Variants in PTPRD observed in about 807,000 individuals in gnomAD.
PTPRD encodes the protein protein tyrosine phosphatase receptor type D.
In PTPRD, 34 loss-of-function variants were observed where a neutral mutation model predicts 214.5. That is an observed-to-expected ratio of 0.16 (90% CI 0.12 to 0.21). PTPRD has a LOEUF of 0.21. Among genes scored for constraint, PTPRD ranks in the 10% least tolerant of loss-of-function variants. The pLI is 1.00. For synonymous variants in PTPRD, 1,128 were observed against 845.7 expected (o/e 1.33, Z -5.79); for missense variants, 2,545 against 2,398.7 (o/e 1.06, Z -1.27).
chr9:9,293,763 T>C (rs1468741259), intron 9 of PTPRD, among the ~76,000 whole-genome samples: 1 of 151,692 alleles, frequency 6.6e-6, no homozygotes, highest in Non-Finnish European at 1.5e-5. Context: ...ACAAATTTAA[T>C]GCCTTTTCCA....
intron 5 of PTPRD, among the ~76,000 whole-genome samples, chr9:9,771,721 C>A (rs1479562881): frequency 6.6e-6 from 1 of 152,168 alleles, no homozygotes; most frequent in Non-Finnish European, 1.5e-5. Context: ...GTTTCAATGA[C>A]ATTCTGTATT....
At chr9:9,276,115 C>T (rs1277868707) in intron 9 of PTPRD, among the ~76,000 whole-genome samples, 3 of 151,210 alleles carry the variant, frequency 2.0e-5, no homozygotes, top group Non-Finnish European at 4.4e-5. Context: ...CATTTCAAGC[C>T]TTAAGTAAAG....
intron 7 of PTPRD, among the ~76,000 whole-genome samples, chr9:9,626,417 G>A (rs992000526): frequency 3.3e-5 from 5 of 152,176 alleles, no homozygotes; most frequent in Non-Finnish European, 7.3e-5. Context: ...TTGTAGTAAA[G>A]AAAGGCCATT....
At chr9:8,741,750 C>T (rs1455139594) in intron 11 of PTPRD, among the ~76,000 whole-genome samples, 1 of 151,668 alleles carries the variant, frequency 6.6e-6, no homozygotes, top group African/African-American at 2.4e-5. Flanking sequence ...ATCACCATGC[C>T]AAGCTAATTG....
intron 8 of PTPRD, among the ~76,000 whole-genome samples, chr9:9,558,757 T>C (rs2082151482): frequency 6.6e-6 from 1 of 152,194 alleles, no homozygotes; most frequent in Non-Finnish European, 1.5e-5. Context: ...TAGGCTGGAC[T>C]GAGACAAAAG....
intron 4 of PTPRD, among the ~76,000 whole-genome samples, chr9:9,979,802 G>A (rs570918483): frequency 5.6e-4 from 86 of 152,230 alleles, no homozygotes; most frequent in African/African-American, 2.0e-3. Context: ...AGAATGATGA[G>A]TGAGGGAGAA....
intron 2 of PTPRD, among the ~76,000 whole-genome samples, chr9:10,460,181 G>A (rs928366440): frequency 7.9e-5 from 12 of 151,920 alleles, no homozygotes; most frequent in Admixed American, 4.6e-4. Context: ...CCAAGGAGGT[G>A]AAAGACCCGT....
intron 10 of PTPRD, among the ~76,000 whole-genome samples, chr9:9,151,403 T>A (rs2099876637): frequency 6.6e-6 from 1 of 152,116 alleles, no homozygotes; most frequent in Non-Finnish European, 1.5e-5. Flanking sequence ...AGATCCCTAT[T>A]TCTAAGTGGG....
intron 7 of PTPRD, among the ~76,000 whole-genome samples, chr9:9,681,240 T>C (rs1472759244): frequency 6.6e-6 from 1 of 151,776 alleles, no homozygotes; most frequent in Non-Finnish European, 1.5e-5. Context: ...CTTCCTGAAG[T>C]GTAAGTGTAG....
chr9:8,496,571 T>C (rs372346178), intron 26 of PTPRD, among the ~76,000 whole-genome samples: 5 of 152,212 alleles, frequency 3.3e-5, no homozygotes, highest in African/African-American at 1.2e-4. Context: ...AGCGACATAC[T>C]TTCTACTTCT....
intron 2 of PTPRD, among the ~76,000 whole-genome samples, chr9:10,375,514 C>T (rs780818570): frequency 4.6e-5 from 7 of 151,990 alleles, no homozygotes; most frequent in Non-Finnish European, 1.0e-4. Context: ...ATTCTTTAAT[C>T]AGACATGCGA....
chr9:8,533,083 T>C (rs934445181), intron 14 of PTPRD, among the ~76,000 whole-genome samples: 1 of 152,078 alleles, frequency 6.6e-6, no homozygotes, highest in Non-Finnish European at 1.5e-5. Context: ...AGGTTTTACA[T>C]GATTTGTTCA....
At chr9:9,323,047 T>C (rs1219217495) in intron 9 of PTPRD, among the ~76,000 whole-genome samples, 1 of 152,174 alleles carries the variant, frequency 6.6e-6, no homozygotes, top group East Asian at 1.9e-4. Flanking sequence ...AGTTACTGTT[T>C]ACAATTTTTT....
At chr9:8,616,378 T>C (rs2095613036) in intron 14 of PTPRD, among the ~76,000 whole-genome samples, 1 of 152,100 alleles carries the variant, frequency 6.6e-6, no homozygotes, top group Non-Finnish European at 1.5e-5. Flanking sequence ...CATAACTTCA[T>C]TTTGCACTAA....
At chr9:8,544,185 T>TTTTTTTTTA (rs369919861) in intron 14 of PTPRD, among the ~76,000 whole-genome samples, 1 of 137,722 alleles carries the variant, frequency 7.3e-6, no homozygotes. Flanking sequence ...TTTTTTTTTT[T>TTTTTTTTTA]GAGACAGAGT....
At chr9:8,486,567 A>C in intron 27 of PTPRD, 4 of 683,174 alleles carry the variant, frequency 5.9e-6, no homozygotes, top group Non-Finnish European at 1.1e-5. Flanking sequence ...GATAATGGAC[A>C]CAAAACAGAA....
intron 9 of PTPRD, among the ~76,000 whole-genome samples, chr9:9,202,169 A>G (rs1436076924): frequency 3.9e-5 from 6 of 152,188 alleles, no homozygotes; most frequent in Non-Finnish European, 8.8e-5. Flanking sequence ...GAAAGCCTAG[A>G]CAGTTTGTCA....
At chr9:9,352,756 G>C (rs1434908896) in intron 9 of PTPRD, among the ~76,000 whole-genome samples, 1 of 151,874 alleles carries the variant, frequency 6.6e-6, no homozygotes. Flanking sequence ...GAACTATCTT[G>C]ACTTCTCTCA....
rs115182052 is a variant in PTPRD at position 9,229,254 on chromosome 9, G to C, written c.-202-45891C>G. Among the ~76,000 whole-genome samples the C allele has an allele frequency of 3.2e-3, 491 of 152,152 alleles. 4 individuals are homozygous for C. The highest frequency in any genetic ancestry group is 0.012 in the African/African-American group (478 of 41,504). On this transcript the variant is annotated intron_variant, in intron 9 of 45. Transcript: ENST00000381196. ...ATATTTACTTACATTGGAAAAAGCA[G>C]AGTAATAGTCCTGTAACTGATAAGA...
Sources: allele counts gnomAD v4.1 joint callset (sites outside exome capture counted in the v4.1 genomes callset), GRCh38; gene constraint gnomAD v4.1.1; transcripts MANE v1.5; gene names NCBI Gene and HGNC (gene_info 2026-07-23, HGNC 2026-07-21).